Variants in NRCAM observed in about 807,000 individuals in gnomAD.
NRCAM encodes NgCAM-related cell adhesion molecule.
NRCAM carries 83 observed loss-of-function variants against 156.5 expected under a neutral mutation model. The ratio of observed to expected loss-of-function variants is 0.53; its 90% CI spans 0.44 to 0.64. The LOEUF (loss-of-function observed/expected upper bound fraction) is 0.64. Ranked by LOEUF, NRCAM falls within the 30% of genes least tolerant of loss-of-function variation. The probability of loss-of-function intolerance (pLI) is 0.00; values close to 1 mark genes in which losing one functional copy is unlikely to be tolerated. For synonymous variants in NRCAM, 538 were observed against 563.9 expected (o/e 0.95, Z 0.65); for missense variants, 1,417 against 1,597.3 (o/e 0.89, Z 1.92).
intron 3 of NRCAM, among the ~76,000 whole-genome samples, chr7:108,250,149 T>C (rs1397468723): frequency 1.3e-5 from 2 of 152,216 alleles, no homozygotes; most frequent in African/African-American, 2.4e-5. Context: ...GACAGGTCAA[T>C]AGCTCATGCC....
In NRCAM at chr7:108,410,879, T is replaced by A. The variant is rs147139720; in HGVS notation, c.-331-11286A>T. On this transcript the variant is annotated intron_variant, in intron 1 of 32. Coordinates refer to ENST00000379028, the MANE Select transcript of NRCAM (RefSeq NM_001037132.4). Reference sequence around the variant, plus strand: ...AAAGCAAGCAAAGAAAAACGCCTTGTTTGCTATGTCATCCTTGAAACAAAA... The same window carrying A: ...AAAGCAAGCAAAGAAAAACGCCTTGATTGCTATGTCATCCTTGAAACAAAA... Among the ~76,000 whole-genome samples, 974 of 152,318 alleles carry A rather than the reference T, an allele frequency of 6.4e-3. 1 individual carries two copies. Among genetic ancestry groups the A allele is most frequent in the Non-Finnish European group, 0.011 (738 of 68,016 alleles).
At chr7:108,185,174 T>TA (rs1390441697) in intron 20 of NRCAM, among the ~76,000 whole-genome samples, 3 of 152,160 alleles carry the variant, frequency 2.0e-5, no homozygotes, top group Non-Finnish European at 4.4e-5. Flanking sequence ...TCTGACTTTG[T>TA]AGGAAGTGTA....
rs1238961264 is a variant in NRCAM at position 108,276,567 on chromosome 7, T to G, written c.-107+36098A>C. On this transcript the variant is annotated intron_variant, in intron 3 of 32. Transcript: ENST00000379028. ...ACTAAGATTGTAACTCCTGCTTTTT[T>G]TTTTTGCTTCCGTTTGCTTGGTAGA... Among the ~76,000 whole-genome samples, 3 of 151,420 alleles carry G rather than the reference T, an allele frequency of 2.0e-5. No individual in the cohort carries two copies. The East Asian group carries it at 5.8e-4, about 29-fold the overall frequency.
chr7:108,399,944 A>G (rs2099787258), intron 1 of NRCAM, among the ~76,000 whole-genome samples: 1 of 152,238 alleles, frequency 6.6e-6, no homozygotes, highest in South Asian at 2.1e-4. Context: ...CTTCATGGGA[A>G]TACACCGTGC....
rs769565910 is a variant in NRCAM, at chr7:108,182,007, C to G, written c.2531-70G>C. 3.3e-6 allele frequency: 4 copies of G among 1,220,708 alleles called. 1 individual carries two copies. In the South Asian group the frequency reaches 3.8e-5, roughly 12 times the overall value. The allele number at this position is 1,220,708 out of a possible 1,614,324, so 75.6% of individuals were successfully genotyped here. A position where few individuals can be genotyped will look rare whatever the true frequency, so the allele number is the denominator to read the frequency against. ...TAATTTCATCCATAAATATGACTCT[C>G]TCTAATAATTTTGGCTTGAAGCATA... On this transcript the variant is annotated intron_variant, in intron 23 of 32. Transcript: ENST00000379028.
At chr7:108,393,245 C>T (rs1236717106) in intron 2 of NRCAM, among the ~76,000 whole-genome samples, 1 of 152,176 alleles carries the variant, frequency 6.6e-6, no homozygotes, top group African/African-American at 2.4e-5. Flanking sequence ...CTTTGTTTAT[C>T]TACTCAAGCC....
intron 2 of NRCAM, among the ~76,000 whole-genome samples, chr7:108,341,822 G>C (rs372759201): frequency 1.1e-4 from 16 of 152,174 alleles, no homozygotes; most frequent in Admixed American, 7.9e-4. Context: ...AATTCTAGGA[G>C]TACAGAAACC....
chr7:108,333,263 T>C (rs1331003438), intron 2 of NRCAM, among the ~76,000 whole-genome samples: 2 of 152,292 alleles, frequency 1.3e-5, no homozygotes, highest in Non-Finnish European at 2.9e-5. Flanking sequence ...TCTCATCATA[T>C]ATTTAAACAC....
At chr7:108,157,184 T>C (rs967115047) in intron 32 of NRCAM, among the ~76,000 whole-genome samples, 1 of 152,164 alleles carries the variant, frequency 6.6e-6, no homozygotes, top group Non-Finnish European at 1.5e-5. Context: ...TTTATGTCAT[T>C]ACATGTATGA....
At chr7:108,407,139 A>G (rs565968216) in intron 1 of NRCAM, among the ~76,000 whole-genome samples, 85 of 152,112 alleles carry the variant, frequency 5.6e-4, no homozygotes, top group African/African-American at 1.9e-3. Context: ...GTCTGTATTC[A>G]CTTTTTTCAG....
At chr7:108,437,086 T>C (rs1377274956) in intron 1 of NRCAM, among the ~76,000 whole-genome samples, 1 of 152,106 alleles carries the variant, frequency 6.6e-6, no homozygotes, top group Non-Finnish European at 1.5e-5. Flanking sequence ...TATTCAACCA[T>C]AAAAAAGGAT....
At chr7:108,218,172 C>CCGGGGGGG (rs1491010990) in intron 11 of NRCAM, among the ~76,000 whole-genome samples, 1 of 95,790 alleles carries the variant, frequency 1.0e-5, no homozygotes, top group African/African-American at 5.9e-5. Flanking sequence ...CTTCCCTTGG[C>CCGGGGGGG]TGGGGGGGGG....
At chr7:108,332,563 G>A (rs1015066153) in intron 2 of NRCAM, among the ~76,000 whole-genome samples, 3 of 152,192 alleles carry the variant, frequency 2.0e-5, no homozygotes, top group Admixed American at 6.5e-5. Flanking sequence ...CAAAAGAACT[G>A]TGGTATTGTG....
chr7:108,377,167 A>G (rs1296124266), intron 2 of NRCAM, among the ~76,000 whole-genome samples: 1 of 152,154 alleles, frequency 6.6e-6, no homozygotes, highest in Admixed American at 6.6e-5. Flanking sequence ...AAAAAATTGA[A>G]AGTGAATGGA....
rs140440975 is a variant in NRCAM at position 108,211,190 on chromosome 7, C to G, written c.891-1585G>C. 2.2e-3 allele frequency among the ~76,000 whole-genome samples: 337 copies of G among 152,228 alleles called. 4 individuals carry two copies. Among genetic ancestry groups the G allele is most frequent in the African/African-American group, 7.8e-3 (323 of 41,532 alleles). Reference sequence around the variant, plus strand: ...CCTGGAGCTGAGTCAATTTAGAGAGCTGAGTGAAATACAGGGGTAGAGGAA... The same window carrying G: ...CCTGGAGCTGAGTCAATTTAGAGAGGTGAGTGAAATACAGGGGTAGAGGAA... On this transcript the variant is annotated intron_variant, in intron 11 of 32. Coordinates refer to ENST00000379028, the MANE Select transcript of NRCAM (RefSeq NM_001037132.4).
intron 2 of NRCAM, among the ~76,000 whole-genome samples, chr7:108,379,216 T>C (rs1212588535): frequency 6.6e-6 from 1 of 152,158 alleles, no homozygotes; most frequent in African/African-American, 2.4e-5. Context: ...TTATCAGATA[T>C]TAATGTAAAA....
chr7:108,384,751 G>A (rs1015917693), intron 2 of NRCAM, among the ~76,000 whole-genome samples: 4 of 152,182 alleles, frequency 2.6e-5, no homozygotes, highest in African/African-American at 9.7e-5. Context: ...TCTGGGTGAT[G>A]TCCACACTGC....
chr7:108,264,166 T>TG (rs202091982), intron 3 of NRCAM, among the ~76,000 whole-genome samples: 2,958 of 6,176 alleles, frequency 0.48, 45 homozygotes, highest in South Asian at 0.51. Flanking sequence ...TTAGTAGAGA[T>TG]AGGTTTCACC....
At chr7:108,335,332 T>A (rs767818545) in intron 2 of NRCAM, among the ~76,000 whole-genome samples, 47 of 151,890 alleles carry the variant, frequency 3.1e-4, no homozygotes, top group Non-Finnish European at 6.3e-4. Context: ...TTCCCTATAT[T>A]TTTCCTCATA....
Sources: allele counts gnomAD v4.1 joint callset (sites outside exome capture counted in the v4.1 genomes callset), GRCh38; gene constraint gnomAD v4.1.1; transcripts MANE v1.5; gene names NCBI Gene and HGNC (gene_info 2026-07-23, HGNC 2026-07-21).